The following MAN2A1 variants were observed in gnomAD, a reference collection of about 807,000 sequenced individuals.
MAN2A1 encodes the protein mannosidase alpha class 2A member 1.
Under a neutral mutation model 142.6 loss-of-function variants are expected in MAN2A1, and 76 were observed. That is an observed-to-expected ratio of 0.53 (90% CI 0.44 to 0.65). MAN2A1 has a LOEUF of 0.65. MAN2A1 is among the 30% of genes least tolerant of loss of function. MAN2A1 has a pLI of 0.00. For missense variants in MAN2A1, 1,311 were observed against 1,365.1 expected (o/e 0.96, Z 0.62); for synonymous variants, 559 against 473.2 (o/e 1.18, Z -2.35).
chr5:109,769,186 G>T (rs533346544), intron 6 of MAN2A1, among the ~76,000 whole-genome samples: 1 of 152,260 alleles, frequency 6.6e-6, no homozygotes, highest in East Asian at 1.9e-4. Flanking sequence ...AGCATCTACA[G>T]TGTCACCGTT....
chr5:109,758,312 G>T (rs377043689), intron 5 of MAN2A1, among the ~76,000 whole-genome samples: 17 of 152,054 alleles, frequency 1.1e-4, no homozygotes, highest in African/African-American at 3.9e-4. Context: ...TATCAGCTGC[G>T]TATAGATCTT....
intron 1 of MAN2A1, among the ~76,000 whole-genome samples, chr5:109,690,879 A>T (rs970365900): frequency 6.7e-6 from 1 of 148,842 alleles, no homozygotes; most frequent in Non-Finnish European, 1.5e-5. Context: ...GGCGTGAGGC[A>T]CCCCCCGCCA....
At chr5:109,754,428 G>T (rs1028367436) in intron 4 of MAN2A1, among the ~76,000 whole-genome samples, 1 of 152,128 alleles carries the variant, frequency 6.6e-6, no homozygotes, top group Admixed American at 6.5e-5. Flanking sequence ...AAAATAAACT[G>T]TATAGCCTAT....
In MAN2A1 at chr5:109,759,962, TATAGATAG is replaced by T. The variant is rs1035592534; in HGVS notation, c.835+4542_835+4549del. Reference sequence around the variant, plus strand: ...TGAATTGTTGCTATATATATATATATATAGATAGATAGATAGATAGATAGATAGATAGA... The same window carrying T: ...TGAATTGTTGCTATATATATATATATATAGATAGATAGATAGATAGATAGA... On this transcript the variant is annotated intron_variant, in intron 5 of 21. Transcript: ENST00000261483. 6.7e-3 allele frequency among the ~76,000 whole-genome samples: 332 copies of T among 49,470 alleles called. 1 individual carries two copies. The highest frequency in any genetic ancestry group is 0.043 in the Middle Eastern group (4 of 92). The allele number at this position is 49,470 out of a possible 152,430, so 32.5% of individuals were successfully genotyped here. A position where few individuals can be genotyped will look rare whatever the true frequency, so the allele number is the denominator to read the frequency against.
intron 20 of MAN2A1, among the ~76,000 whole-genome samples, chr5:109,857,297 G>GT (rs1231547818): frequency 5.3e-5 from 8 of 150,586 alleles, no homozygotes; most frequent in African/African-American, 1.5e-4. Flanking sequence ...TTGTGTAGAT[G>GT]TTTTTTCTAG....
chr5:109,717,589 A>G (rs763029952), intron 3 of MAN2A1, among the ~76,000 whole-genome samples: 2 of 152,106 alleles, frequency 1.3e-5, no homozygotes, highest in Non-Finnish European at 2.9e-5. Context: ...TTCCTCATAT[A>G]TATTTTAGAT....
chr5:109,849,401 T>C (rs1755422072), intron 19 of MAN2A1, among the ~76,000 whole-genome samples: 1 of 152,028 alleles, frequency 6.6e-6, no homozygotes, highest in South Asian at 2.1e-4. Flanking sequence ...TCATAATCTC[T>C]CTTCTCTCCC....
chr5:109,823,802 A>G lies in MAN2A1; in HGVS notation c.2531A>G (p.His844Arg), dbSNP rs779427574. ...IYSEVTCFFD[H>R]VTHRVRLYHI... Reference sequence around the variant, plus strand: ...TCGGAAGTGACTTGCTTTTTTGACCATGTTACTCATAGAGTCCGACTATAC... The same window carrying G: ...TCGGAAGTGACTTGCTTTTTTGACCGTGTTACTCATAGAGTCCGACTATAC... The change falls in exon 16 of 22, where the codon CAT (histidine) becomes CGT (arginine). Residue 844 changes from histidine to arginine, a missense_variant. Physicochemically the swap from His to Arg is conservative, Grantham distance 29. Around this residue, in one of 3 missense-constraint regions of MAN2A1, gnomAD observed 890 missense variants for 920.5 expected, o/e 0.97. Coordinates refer to ENST00000261483, the MANE Select transcript of MAN2A1 (RefSeq NM_002372.4). 2.5e-6 allele frequency: 4 copies of G among 1,604,930 alleles called. No homozygotes were observed. Among genetic ancestry groups the G allele is most frequent in the East Asian group, 2.3e-5 (1 of 44,402 alleles).
At chr5:109,741,908 C>A (rs1027333352) in intron 4 of MAN2A1, among the ~76,000 whole-genome samples, 5 of 152,150 alleles carry the variant, frequency 3.3e-5, no homozygotes, top group African/African-American at 9.7e-5. Flanking sequence ...AAGCTGCCTT[C>A]CATTAAATAA....
At chr5:109,804,909 GTTGT>G (rs541027374) in intron 12 of MAN2A1, among the ~76,000 whole-genome samples, 36 of 152,182 alleles carry the variant, frequency 2.4e-4, no homozygotes, top group Admixed American at 1.8e-3. Context: ...TGAAAATTAG[GTTGT>G]TTATGTACTA....
chr5:109,868,993 A>T lies in MAN2A1; in HGVS notation c.*1995A>T, dbSNP rs992928848. 2.0e-5 allele frequency: 3 copies of T among 152,152 alleles called. No individual in the cohort carries two copies. Among genetic ancestry groups the T allele is most frequent in the Non-Finnish European group, 4.4e-5 (3 of 68,030 alleles). 9.4% of individuals were successfully genotyped at this position (152,152 alleles called of 1,614,324 possible). On this transcript the variant is annotated 3_prime_UTR_variant, in exon 22 of 22. Transcript: ENST00000261483. Reference sequence around the variant, plus strand: ...GTTTTGCCACTTCTGGTTGTTTGCGATGGATCTGTCCCATGTCAGTCTGGG... The same window carrying T: ...GTTTTGCCACTTCTGGTTGTTTGCGTTGGATCTGTCCCATGTCAGTCTGGG...
intron 1 of MAN2A1, among the ~76,000 whole-genome samples, chr5:109,709,059 GAA>G (rs955362348): frequency 6.6e-6 from 1 of 152,190 alleles, no homozygotes; most frequent in African/African-American, 2.4e-5. Context: ...AGTGCCTACT[GAA>G]GCCCTGAAGA....
chr5:109,798,039 G>A (rs763055763), intron 12 of MAN2A1, among the ~76,000 whole-genome samples: 1 of 151,564 alleles, frequency 6.6e-6, no homozygotes, highest in African/African-American at 2.4e-5. Flanking sequence ...ATTAAAATTA[G>A]CAATTAAAAA....
intron 1 of MAN2A1, among the ~76,000 whole-genome samples, chr5:109,713,157 A>G (rs1751350384): frequency 6.6e-6 from 1 of 152,214 alleles, no homozygotes; most frequent in Non-Finnish European, 1.5e-5. Context: ...TTATACTTAA[A>G]TTAAAAATTT....
At chr5:109,759,023 C>G (rs1449209725) in intron 5 of MAN2A1, among the ~76,000 whole-genome samples, 2 of 152,010 alleles carry the variant, frequency 1.3e-5, no homozygotes, top group African/African-American at 4.8e-5. Context: ...AGTCTGAGTT[C>G]TGCAACTTCC....
intron 16 of MAN2A1, among the ~76,000 whole-genome samples, chr5:109,833,251 C>T (rs1261657999): frequency 1.3e-5 from 2 of 152,142 alleles, no homozygotes; most frequent in East Asian, 1.9e-4. Flanking sequence ...AGACGCTCCT[C>T]GCTTCCCAGA....
At chr5:109,835,276 G>C (rs1755027746) in intron 16 of MAN2A1, among the ~76,000 whole-genome samples, 1 of 152,142 alleles carries the variant, frequency 6.6e-6, no homozygotes, top group Non-Finnish European at 1.5e-5. Context: ...AGTTTTTTCT[G>C]ATAGCTATTA....
At chr5:109,795,796 A>G (rs1753842109) in intron 12 of MAN2A1, among the ~76,000 whole-genome samples, 1 of 152,114 alleles carries the variant, frequency 6.6e-6, no homozygotes, top group African/African-American at 2.4e-5. Context: ...GGCTATTAGG[A>G]AGTTAGGTAG....
intron 18 of MAN2A1, among the ~76,000 whole-genome samples, 170 bp downstream of exon 18, chr5:109,846,176 A>G (rs149700991): frequency 6.6e-6 from 1 of 152,350 alleles, no homozygotes; most frequent in African/African-American, 2.4e-5. Flanking sequence ...TGTGAGAACA[A>G]CATAAAAAGA....
Sources: gnomAD v4.1 joint callset for allele counts (sites outside exome capture counted in the v4.1 genomes callset) on GRCh38, gnomAD v4.1.1 for gene constraint, gnomAD v4.1.1 regional missense constraint, MANE v1.5 for transcripts, NCBI Gene and HGNC (gene_info 2026-07-23, HGNC 2026-07-21) for gene names.